The following NOTCH4 variants were observed in gnomAD, a reference collection of about 807,000 sequenced individuals.
The protein encoded by NOTCH4 is notch receptor 4.
Under a neutral mutation model 189.0 loss-of-function variants are expected in NOTCH4, and 138 were observed. The ratio of observed to expected loss-of-function variants is 0.73; its 90% CI spans 0.64 to 0.84. The LOEUF (loss-of-function observed/expected upper bound fraction) is 0.84, where lower values mean the gene tolerates loss of function less well. NOTCH4 is among the 40% of genes least tolerant of loss of function. NOTCH4 has a pLI of 0.00. For missense variants in NOTCH4, 2,286 were observed against 2,605.4 expected, an observed-to-expected ratio of 0.88 and a Z score of 2.67; for synonymous variants, 942 against 1,032.8, an observed-to-expected ratio of 0.91 and a Z score of 1.69.
intron 28 of NOTCH4, 28 bp from the exon 29 acceptor site, chr6:32,196,449 C>G: frequency 6.2e-7 from 1 of 1,610,404 alleles, no homozygotes; most frequent in Non-Finnish European, 8.5e-7. Context: ...AGGTTGTTAC[C>G]CCAGTTGGGG....
At position 32,216,962 on chromosome 6, in the gene NOTCH4, C is replaced by A. The variant is rs1789448672; in HGVS notation, c.1844G>T (p.Cys615Phe). Residue 615 changes from cysteine (C) to phenylalanine (F), a missense_variant, in exon 11 of 30, where the codon TGC becomes TTC. Physicochemically the swap from Cys to Phe is radical, Grantham distance 205 (BLOSUM62 -2). Around this residue, in one of 2 missense-constraint regions of NOTCH4, gnomAD observed 1,903 missense variants for 2,261.9 expected, o/e 0.84. Transcript: ENST00000375023. ...LDLPGAFFCL[C>F]PSGFTGQLCE... Reference sequence around the variant, plus strand: ...CTGTGAACCTGTGAAACCAGAGGGGCAGAGGCAAAAGAAGGCTCCTGGAAG... The same window carrying A: ...CTGTGAACCTGTGAAACCAGAGGGGAAGAGGCAAAAGAAGGCTCCTGGAAG... 2 of 1,613,004 alleles carry A rather than the reference C, an allele frequency of 1.2e-6. No homozygotes were observed. Among genetic ancestry groups the A allele is most frequent in the African/African-American group, 1.3e-5 (1 of 74,930 alleles).
chr6:32,222,144 A>G (rs3134796), intron 3 of NOTCH4, among the ~76,000 whole-genome samples: 16,093 of 152,042 alleles, frequency 0.11, 980 homozygotes, highest in Non-Finnish European at 0.13. Context: ...TCCACTCAGA[A>G]TGGGAGCCAT....
In NOTCH4 at chr6:32,197,446, C is replaced by T. The variant is rs116299728; in HGVS notation, c.4905G>A (p.Glu1635=). The T allele has an allele frequency of 1.2e-4, 183 of 1,560,254 alleles. No individual in the cohort carries two copies. The highest frequency in any genetic ancestry group is 1.5e-4 in the Non-Finnish European group (172 of 1,152,596). Residue 1635 remains glutamate, a synonymous_variant, in exon 27 of 30, where the codon GAG becomes GAA. Transcript: ENST00000375023. ...ATCGGGCAGCCAGGTGCAGGGGGGT[C>T]TCCCCAGTGCCCACGGTGTGAGCCT... ...CPQAHTVGTG[E]TPLHLAARFS...
chr6:32,216,273 G>T (rs2854051), intron 11 of NOTCH4: 8,664 of 152,786 alleles, frequency 0.057, 340 homozygotes, highest in East Asian at 0.2. Flanking sequence ...TGATCCACCC[G>T]CCTCGGCCTC....
Position 32,213,168 on chromosome 6 carries a change from C to A in NOTCH4, c.2405G>T (p.Cys802Phe), listed in dbSNP as rs770400180. Residue 802 changes from cysteine to phenylalanine, a missense_variant, in exon 15 of 30, where the codon TGT (cysteine) becomes TTT (phenylalanine). By Grantham distance (205) the Cys-to-Phe change is radical. Transcript: ENST00000375023. ...LCAMGFQGPR[C>F]EGKLRPSCAD... ...ACAGCTGGGGCGGAGCTTTCCCTCA[C>A]AGCGCGGGCCCTGGAAGCCCATGGC... is the stretch of plus-strand genomic sequence containing the variant. 6.2e-7 allele frequency: 1 copy of A among 1,614,014 alleles called. No homozygotes were observed. Among genetic ancestry groups the A allele is most frequent in the Non-Finnish European group, 8.5e-7 (1 of 1,179,928 alleles).
intron 8 of NOTCH4, among the ~76,000 whole-genome samples, chr6:32,219,089 C>T (rs1488881816): frequency 6.6e-6 from 1 of 152,170 alleles, no homozygotes; most frequent in Non-Finnish European, 1.5e-5. Flanking sequence ...ACTTTTCCCC[C>T]TTAAAACTAG....
chr6:32,207,180 T>C (rs3130290), intron 18 of NOTCH4, among the ~76,000 whole-genome samples: 90,327 of 150,558 alleles, frequency 0.6, 27,354 homozygotes, highest in South Asian at 0.69. Flanking sequence ...CTGCCCGCCT[T>C]GGTCTCCCAA....
chr6:32,222,509 AC>A lies in NOTCH4; in HGVS notation c.451+1del. On this transcript the variant is annotated splice_donor_variant, in intron 3 of 29. Coordinates refer to ENST00000375023, the MANE Select transcript of NOTCH4 (RefSeq NM_004557.4). LOFTEE classifies it high-confidence loss of function. ...CTCCTGGCTGCCCCCAGCAGCGCTT[AC>A]CTGTCCATCCAGGCATGCAGGAGCA... is the stretch of plus-strand genomic sequence containing the variant. 6.6e-7 allele frequency: 1 copy of A among 1,522,468 alleles called. No homozygotes were observed. The highest frequency in any genetic ancestry group is 8.8e-7 in the Non-Finnish European group (1 of 1,140,610). The allele number at this position is 1,522,468 out of a possible 1,614,324, so 94.3% of individuals were successfully genotyped here. A position where few individuals can be genotyped will look rare whatever the true frequency, so the allele number is the denominator to read the frequency against.
At position 32,222,582 on chromosome 6, in the gene NOTCH4, C is replaced by T; in HGVS notation, c.380G>A (p.Cys127Tyr). The change falls in exon 3 of 30, where the codon TGT becomes TAT. Residue 127 changes from cysteine to tyrosine, a missense_variant. Cys to Tyr is a radical substitution (Grantham distance 194). Transcript: ENST00000375023. ...KLEDPCPPSF[C>Y]SKRGRCHIQA... is the part of the protein sequence containing the mutation. ...GATGTGGCAGCGGCCCCTTTTGGAACAGAAGGAGGGAGGACAAGGGTCTTC... is the reference window on the plus strand; with the variant it reads ...GATGTGGCAGCGGCCCCTTTTGGAATAGAAGGAGGGAGGACAAGGGTCTTC... The T allele has an allele frequency of 6.3e-7, 1 of 1,591,452 alleles. No individual in the cohort carries two copies. Among genetic ancestry groups the T allele is most frequent in the African/African-American group, 1.4e-5 (1 of 73,398 alleles).
At position 32,201,099 on chromosome 6, in the gene NOTCH4, C is replaced by T. The variant is rs1370948376; in HGVS notation, c.4139+18G>A. On this transcript the variant is annotated intron_variant, in intron 22 of 29. Coordinates refer to ENST00000375023, the MANE Select transcript of NOTCH4 (RefSeq NM_004557.4). This position sits in a 1 kb window ranked among gnomAD's most constrained non-coding sequence, Gnocchi z 5.5. ...AAAAAAACTGGTGTCTGGCCCTTCC[C>T]TCCACCTAGCTTCTTACCCAGCACT... The T allele has an allele frequency of 1.3e-6, 2 of 1,595,466 alleles. No individual in the cohort carries two copies.
chr6:32,212,382 C>T lies in NOTCH4; in HGVS notation c.2680+92G>A, dbSNP rs1206202608. On this transcript the variant is annotated intron_variant, in intron 17 of 29. Transcript: ENST00000375023. The surrounding 1 kb of genome is among the most constrained non-coding windows in gnomAD (Gnocchi z 4.4). ...TTTGATTCTCAGATGGTTGTTTTGG[C>T]CAAAAGCTGTGTGGAAGCCCACAGG... The T allele has an allele frequency of 2.3e-6, 3 of 1,328,922 alleles. No individual in the cohort carries two copies. Among genetic ancestry groups the T allele is most frequent in the Non-Finnish European group, 3.1e-6 (3 of 966,478 alleles). The allele number at this position is 1,328,922 out of a possible 1,614,324, so 82.3% of individuals were successfully genotyped here. A position where few individuals can be genotyped will look rare whatever the true frequency, so the allele number is the denominator to read the frequency against.
At chr6:32,196,645 C>T (rs891517937) in intron 28 of NOTCH4, among the ~76,000 whole-genome samples, 5 of 151,982 alleles carry the variant, frequency 3.3e-5, no homozygotes, top group Admixed American at 6.5e-5. Flanking sequence ...TCGGTGAGAC[C>T]GGGAGACAGT....
At position 32,210,137 on chromosome 6, in the gene NOTCH4, A is replaced by G. The variant is rs1788925661; in HGVS notation, c.2865+615T>C. ...AGTTAGGGACATCTTCCTGAAGAAG[A>G]TGCCTCCTGAACACCAGCCTGTGGA... On this transcript the variant is annotated intron_variant, in intron 18 of 29. Transcript: ENST00000375023. The surrounding 1 kb of genome is among the most constrained non-coding windows in gnomAD (Gnocchi z 4.8). 6.6e-6 allele frequency among the ~76,000 whole-genome samples: 1 copy of G among 152,164 alleles called. No homozygotes were observed. The highest frequency in any genetic ancestry group is 1.5e-5 in the Non-Finnish European group (1 of 68,024).
chr6:32,195,074 A>G lies in NOTCH4; in HGVS notation c.*363T>C. 1 of 284,924 alleles carries G rather than the reference A, an allele frequency of 3.5e-6. No individual in the cohort carries two copies. 17.6% of individuals were successfully genotyped at this position (284,924 alleles called of 1,614,324 possible). ...TGTCAGCCATTTGTGGGCAGTGGGGACAATGGATCATAGGGGCACCCTTTG... is the reference window on the plus strand; with the variant it reads ...TGTCAGCCATTTGTGGGCAGTGGGGGCAATGGATCATAGGGGCACCCTTTG... On this transcript the variant is annotated 3_prime_UTR_variant, in exon 30 of 30. Coordinates refer to ENST00000375023, the MANE Select transcript of NOTCH4 (RefSeq NM_004557.4). The surrounding 1 kb of genome is among the most constrained non-coding windows in gnomAD (Gnocchi z 5.4).
intron 14 of NOTCH4, 60 bp downstream of exon 14, chr6:32,213,628 C>A: frequency 6.4e-7 from 1 of 1,558,098 alleles, no homozygotes; most frequent in African/African-American, 1.4e-5. Flanking sequence ...CACAAGCATA[C>A]CCTCCTTAGT....
In NOTCH4 at chr6:32,212,726, A is replaced by G. The variant is rs529600373; in HGVS notation, c.2526+98T>C. ...CCAGCTCCTCGAAATCCCTTACTTCAAAAACCTTCTCCTGAATGGCCTGGG... is the reference window on the plus strand; with the variant it reads ...CCAGCTCCTCGAAATCCCTTACTTCGAAAACCTTCTCCTGAATGGCCTGGG... On this transcript the variant is annotated intron_variant, in intron 16 of 29. Transcript: ENST00000375023. The surrounding 1 kb of genome is among the most constrained non-coding windows in gnomAD (Gnocchi z 4.4). The G allele has an allele frequency of 3.4e-5, 51 of 1,495,822 alleles. No individual in the cohort carries two copies. In the African/African-American group the frequency reaches 5.0e-4, roughly 15 times the overall value. 92.7% of individuals were successfully genotyped at this position (1,495,822 alleles called of 1,614,324 possible).
chr6:32,207,110 A>C (rs1788725630), intron 18 of NOTCH4, among the ~76,000 whole-genome samples: 1 of 151,332 alleles, frequency 6.6e-6, no homozygotes, highest in Non-Finnish European at 1.5e-5. Flanking sequence ...TTGTATTTTT[A>C]GTAGAGACGG....
rs1188910566 is a variant in NOTCH4 at position 32,204,332 on chromosome 6, G to T, written c.2923C>A (p.Gln975Lys). 1.2e-6 allele frequency: 2 copies of T among 1,613,088 alleles called. No individual in the cohort carries two copies. The highest frequency in any genetic ancestry group is 1.7e-6 in the Non-Finnish European group (2 of 1,180,034). ...CAGGTTCCATGGTTGTGACAGGGTT[G>T]GGACTGACAAGCATCGAGTTCCTTT... Reference protein sequence around the residue: ...CSKELDACQSQPCHNHGTCTP... With the variant: ...CSKELDACQSKPCHNHGTCTP... Residue 975 changes from glutamine (Q) to lysine (K), a missense_variant, in exon 19 of 30, where the codon CAA becomes AAA. Physicochemically the swap from Gln to Lys is moderately conservative, Grantham distance 53. Around this residue, in one of 2 missense-constraint regions of NOTCH4, gnomAD observed 1,903 missense variants for 2,261.9 expected, o/e 0.84. Transcript: ENST00000375023.
chr6:32,196,807 C>T, intron 28 of NOTCH4, 118 bp downstream of exon 28: 12 of 1,341,572 alleles, frequency 8.9e-6, no homozygotes, highest in Non-Finnish European at 1.2e-5. Flanking sequence ...CTCAGATTGA[C>T]CGCCGTAACA....
Sources: allele counts gnomAD v4.1 joint callset (sites outside exome capture counted in the v4.1 genomes callset), GRCh38; gene constraint gnomAD v4.1.1; regional missense constraint gnomAD v4.1.1; non-coding constraint Gnocchi (gnomAD v3.1); transcripts MANE v1.5; gene names NCBI Gene and HGNC (gene_info 2026-07-23, HGNC 2026-07-21).